RBFOX1: variants seen among roughly 807,000 people sequenced by gnomAD.
RBFOX1 encodes the protein RNA binding protein fox-1 homolog 1.
Under a neutral mutation model 57.7 loss-of-function variants are expected in RBFOX1, and 8 were observed. The observed-to-expected ratio is 0.14, with a 90% CI of 0.08 to 0.25. The LOEUF (loss-of-function observed/expected upper bound fraction) is 0.25, where lower values mean the gene tolerates loss of function less well. Ranked by LOEUF, RBFOX1 falls within the 10% of genes least tolerant of loss-of-function variation. RBFOX1 has a pLI of 1.00. For missense variants in RBFOX1, 611 were observed against 548.5 expected (o/e 1.11, Z -1.14); for synonymous variants, 326 against 222.4 (o/e 1.47, Z -4.15).
At chr16:6,463,536 G>A (rs938503085) in intron 2 of RBFOX1, among the ~76,000 whole-genome samples, 9 of 152,114 alleles carry the variant, frequency 5.9e-5, no homozygotes, top group African/African-American at 2.2e-4. Context: ...GGGGCGGAGT[G>A]TAAGTGGCAG....
intron 2 of RBFOX1, among the ~76,000 whole-genome samples, chr16:6,565,146 C>T (rs2097243135): frequency 6.9e-6 from 1 of 144,600 alleles, no homozygotes. Context: ...AAAAAAAAAG[C>T]ATTTGCAACA....
chr16:6,080,625 C>T (rs1290072027), intron 1 of RBFOX1, among the ~76,000 whole-genome samples: 2 of 152,146 alleles, frequency 1.3e-5, no homozygotes, highest in African/African-American at 4.8e-5. Context: ...CCAACTTGGG[C>T]TGAGTTGGAA....
intron 2 of RBFOX1, among the ~76,000 whole-genome samples, chr16:5,471,480 G>C (rs1410682280): frequency 6.6e-6 from 1 of 152,116 alleles, no homozygotes; most frequent in Non-Finnish European, 1.5e-5. Flanking sequence ...CCCTACCATT[G>C]CTGGCAGCCC....
intron 3 of RBFOX1, among the ~76,000 whole-genome samples, chr16:6,692,327 C>G (rs1281241016): frequency 2.6e-5 from 1 of 37,746 alleles, no homozygotes; most frequent in Non-Finnish European, 5.5e-5. Context: ...GTCGTTTTCA[C>G]TAAGTGTTTC....
chr16:7,607,603 T>C (rs142282931), intron 10 of RBFOX1, among the ~76,000 whole-genome samples: 5 of 152,282 alleles, frequency 3.3e-5, no homozygotes, highest in South Asian at 4.1e-4. Context: ...AAAAAAAGCA[T>C]TGTGACTTTG....
chr16:5,272,370 T>C (rs1256989929), intron 1 of RBFOX1, among the ~76,000 whole-genome samples: 2 of 152,130 alleles, frequency 1.3e-5, no homozygotes, highest in African/African-American at 2.4e-5. Context: ...GTTAAAAAAA[T>C]AAGTAACTTG....
At chr16:7,270,414 A>T (rs1257459007) in intron 4 of RBFOX1, among the ~76,000 whole-genome samples, 1 of 152,230 alleles carries the variant, frequency 6.6e-6, no homozygotes, top group Non-Finnish European at 1.5e-5. Context: ...AACATCTAAC[A>T]ATGATAAAGG....
At chr16:6,483,892 T>G in intron 2 of RBFOX1, 1 of 1,148,486 alleles carries the variant, frequency 8.7e-7, no homozygotes, top group Non-Finnish European at 1.1e-6. Context: ...GAGGCTGCGT[T>G]TGCAGCGCGT....
intron 2 of RBFOX1, among the ~76,000 whole-genome samples, chr16:6,443,776 C>G (rs1354553063): frequency 6.6e-6 from 1 of 152,126 alleles, no homozygotes; most frequent in Non-Finnish European, 1.5e-5. Context: ...CCCATCTACC[C>G]ACAATCTACC....
At position 6,517,262 on chromosome 16, in the gene RBFOX1, A is replaced by G. The variant is rs541858266; in HGVS notation, c.-63-137341A>G. ...AGCTCGCATTTTGACATCACCCACA[A>G]TTCTGCATATTCAGTTTGCTCTAAT... On this transcript the variant is annotated intron_variant, in intron 2 of 15. Transcript: ENST00000550418. Among the ~76,000 whole-genome samples, 7 of 152,212 alleles carry G rather than the reference A, an allele frequency of 4.6e-5. No homozygotes were observed. In the South Asian group the frequency reaches 1.5e-3, roughly 32 times the overall value.
intron 2 of RBFOX1, among the ~76,000 whole-genome samples, chr16:6,356,908 G>A (rs750807641): frequency 5.3e-5 from 8 of 152,098 alleles, no homozygotes; most frequent in Non-Finnish European, 8.8e-5. Context: ...ATCCAAAAGC[G>A]TTCTAAAAAT....
chr16:6,702,649 C>G (rs1236712009), intron 3 of RBFOX1, among the ~76,000 whole-genome samples: 2 of 152,176 alleles, frequency 1.3e-5, no homozygotes, highest in Admixed American at 1.3e-4. Context: ...CTAAGATACC[C>G]AGCCCAGTGA....
At chr16:6,947,981 G>A (rs1470112507) in intron 3 of RBFOX1, among the ~76,000 whole-genome samples, 1 of 151,986 alleles carries the variant, frequency 6.6e-6, no homozygotes, top group Non-Finnish European at 1.5e-5. Flanking sequence ...CTCTTATCAC[G>A]TTTGCCAGGT....
At chr16:5,914,922 A>C (rs920734655) in intron 4 of RBFOX1, among the ~76,000 whole-genome samples, 3 of 152,044 alleles carry the variant, frequency 2.0e-5, no homozygotes, top group Admixed American at 2.0e-4. Context: ...AAAACAAAAA[A>C]AAAGAGAGTC....
At chr16:7,534,444 C>T (rs1291094704) in intron 5 of RBFOX1, among the ~76,000 whole-genome samples, 1 of 151,988 alleles carries the variant, frequency 6.6e-6, no homozygotes, top group Non-Finnish European at 1.5e-5. Flanking sequence ...CAATGATTAA[C>T]TAAAATAGGC....
intron 1 of RBFOX1, among the ~76,000 whole-genome samples, chr16:6,172,113 G>T (rs969240849): frequency 6.6e-6 from 1 of 152,110 alleles, no homozygotes; most frequent in African/African-American, 2.4e-5. Context: ...GAGCCACCGA[G>T]CCCAGCTAGC....
intron 2 of RBFOX1, among the ~76,000 whole-genome samples, chr16:6,355,266 T>A (rs188363780): frequency 1.9e-4 from 29 of 152,258 alleles, no homozygotes; most frequent in Admixed American, 1.8e-3. Context: ...ATATTTCTCC[T>A]AATGTTATCA....
chr16:5,410,074 C>T (rs2066977298), intron 1 of RBFOX1, among the ~76,000 whole-genome samples: 1 of 147,548 alleles, frequency 6.8e-6, no homozygotes, highest in African/African-American at 2.5e-5. Context: ...AAATAATAAT[C>T]AACATGCAGC....
intron 3 of RBFOX1, among the ~76,000 whole-genome samples, chr16:6,853,422 C>A (rs1400341273): frequency 1.3e-5 from 2 of 152,006 alleles, no homozygotes; most frequent in Non-Finnish European, 2.9e-5. Context: ...AGTGCCTGCC[C>A]CCAGCCATTG....
Sources: allele counts gnomAD v4.1 joint callset (sites outside exome capture counted in the v4.1 genomes callset), GRCh38; gene constraint gnomAD v4.1.1; transcripts MANE v1.5; gene names NCBI Gene and HGNC (gene_info 2026-07-23, HGNC 2026-07-21).